The following GALNT8 variants were observed in gnomAD, a reference collection of about 807,000 sequenced individuals.
The protein encoded by GALNT8 is probable polypeptide N-acetylgalactosaminyltransferase 8.
GALNT8 carries 66 observed loss-of-function variants against 62.7 expected under a neutral mutation model. That is an observed-to-expected ratio of 1.05 (90% confidence interval 0.86 to 1.29). The LOEUF is 1.29. GALNT8 is among the 50% of genes most tolerant of loss of function. GALNT8 has a pLI of 0.00. For synonymous variants in GALNT8, 288 were observed against 294.3 expected (o/e 0.98, Z 0.22); for missense variants, 771 against 791.8 (o/e 0.97, Z 0.32).
chr12:4,730,113 ACTT>A (rs1946215103), intron 2 of GALNT8, among the ~76,000 whole-genome samples: 1 of 152,016 alleles, frequency 6.6e-6, no homozygotes, highest in Non-Finnish European at 1.5e-5. Flanking sequence ...TTGGATATTA[ACTT>A]CTTATTAAAT....
At chr12:4,738,775 G>T (rs901642462) in intron 2 of GALNT8, among the ~76,000 whole-genome samples, 2 of 152,106 alleles carry the variant, frequency 1.3e-5, no homozygotes, top group Non-Finnish European at 2.9e-5. Flanking sequence ...GTCTCTGGTG[G>T]TGAAGTAGAG....
chr12:4,745,487 T>C lies in GALNT8; in HGVS notation c.919T>C (p.Phe307Leu). The C allele has an allele frequency of 6.2e-7, 1 of 1,613,194 alleles. No homozygotes were observed. The highest frequency in any genetic ancestry group is 8.5e-7 in the Non-Finnish European group (1 of 1,179,118). ...EDRTVIVSPVFDNIRFDTFKL... is the reference protein window; with the variant it reads ...EDRTVIVSPVLDNIRFDTFKL... ...CCGCACTGTGATTGTGTCTCCTGTG[T>C]TTGACAACATTCGTTTTGACACCTT... Residue 307 changes from phenylalanine to leucine, a missense_variant, in exon 5 of 11, where the codon TTT (phenylalanine) becomes CTT (leucine). Coordinates refer to ENST00000252318, the MANE Select transcript of GALNT8 (RefSeq NM_017417.2).
chr12:4,745,754 G>C, intron 5 of GALNT8, 128 bp downstream of exon 5: 1 of 700,034 alleles, frequency 1.4e-6, no homozygotes. Context: ...ATGAGGTGAA[G>C]GACAAGGGAT....
At chr12:4,769,759 C>G (rs1442883845) in intron 10 of GALNT8, among the ~76,000 whole-genome samples, 1 of 151,954 alleles carries the variant, frequency 6.6e-6, no homozygotes, top group African/African-American at 2.4e-5. Context: ...ATCATCCCCT[C>G]CCCTGAAAGC....
intron 2 of GALNT8, among the ~76,000 whole-genome samples, chr12:4,735,851 C>A (rs973913856): frequency 6.6e-6 from 1 of 152,144 alleles, no homozygotes; most frequent in South Asian, 2.1e-4. Flanking sequence ...AAGTTCTGTT[C>A]GGAGGAAAGG....
At chr12:4,734,755 A>G (rs1400595372) in intron 2 of GALNT8, among the ~76,000 whole-genome samples, 1 of 150,394 alleles carries the variant, frequency 6.6e-6, no homozygotes, top group African/African-American at 2.4e-5. Flanking sequence ...CTAGCTTCCA[A>G]TGTCCAGCCC....
chr12:4,764,525 AG>A (rs1946388964), intron 9 of GALNT8, among the ~76,000 whole-genome samples: 1 of 43,700 alleles, frequency 2.3e-5, no homozygotes, highest in Admixed American at 2.9e-4. Context: ...AGGTGCAGTC[AG>A]GGGATTTTTT....
intron 6 of GALNT8, among the ~76,000 whole-genome samples, chr12:4,751,731 A>G (rs1451137510): frequency 2.6e-5 from 4 of 152,166 alleles, no homozygotes; most frequent in African/African-American, 9.6e-5. Context: ...TTCCGCAGCC[A>G]CTGGATGAAA....
intron 6 of GALNT8, among the ~76,000 whole-genome samples, chr12:4,753,953 T>A (rs941984580): frequency 5.3e-5 from 8 of 152,242 alleles, no homozygotes; most frequent in African/African-American, 1.7e-4. Context: ...ACCACCTTGA[T>A]GGTCTTGGAT....
intron 6 of GALNT8, among the ~76,000 whole-genome samples, chr12:4,754,006 G>T (rs1051507075): frequency 4.7e-4 from 71 of 152,302 alleles, no homozygotes; most frequent in African/African-American, 1.6e-3. Flanking sequence ...AGAGACCCTT[G>T]TTCTCTTCCC....
intron 2 of GALNT8, among the ~76,000 whole-genome samples, chr12:4,728,312 G>A (rs1200211287): frequency 2.0e-5 from 3 of 151,360 alleles, no homozygotes; most frequent in Non-Finnish European, 4.4e-5. Context: ...TCATTGTGTA[G>A]ATTGTCTGTT....
intron 6 of GALNT8, among the ~76,000 whole-genome samples, chr12:4,754,798 C>T (rs1946337209): frequency 6.6e-6 from 1 of 152,032 alleles, no homozygotes; most frequent in Non-Finnish European, 1.5e-5. Flanking sequence ...CAGGGCTCTT[C>T]ACCTAGCAGG....
chr12:4,729,640 CCAT>C (rs1444081873), intron 2 of GALNT8, among the ~76,000 whole-genome samples: 1 of 152,072 alleles, frequency 6.6e-6, no homozygotes, highest in Non-Finnish European at 1.5e-5. Context: ...GAATAGTATT[CCAT>C]CTATTATGGA....
Position 4,772,670 on chromosome 12 carries a change from T to G in GALNT8, c.*73T>G, listed in dbSNP as rs1946431235. 7 of 1,186,368 alleles carry G rather than the reference T, an allele frequency of 5.9e-6. No individual in the cohort carries two copies. Among genetic ancestry groups the G allele is most frequent in the Non-Finnish European group, 8.6e-6 (7 of 812,058 alleles). The allele number at this position is 1,186,368 out of a possible 1,614,324, so 73.5% of individuals were successfully genotyped here. ...GGCTTCTACTCCTAACACTCCCAGCTTCTTTCTCAATGAGAAAGAAAGCAT... is the reference window on the plus strand; with the variant it reads ...GGCTTCTACTCCTAACACTCCCAGCGTCTTTCTCAATGAGAAAGAAAGCAT... On this transcript the variant is annotated 3_prime_UTR_variant, in exon 11 of 11. Coordinates refer to ENST00000252318, the MANE Select transcript of GALNT8 (RefSeq NM_017417.2).
chr12:4,729,811 T>G (rs1226840018), intron 2 of GALNT8, among the ~76,000 whole-genome samples: 1 of 152,230 alleles, frequency 6.6e-6, no homozygotes, highest in African/African-American at 2.4e-5. Flanking sequence ...TATACTGTTT[T>G]CTTTATTGGG....
chr12:4,768,846 T>G lies in GALNT8; in HGVS notation c.1761+3300T>G, dbSNP rs535788365. On this transcript the variant is annotated intron_variant, in intron 10 of 10. Coordinates refer to ENST00000252318, the MANE Select transcript of GALNT8 (RefSeq NM_017417.2). ...GGCTCTTCTGGTTCTCACTTTACTT[T>G]GTAGACACAACTTACAAATTAATTT... 3.3e-5 allele frequency among the ~76,000 whole-genome samples: 5 copies of G among 152,366 alleles called. No homozygotes were observed. The East Asian group carries it at 9.6e-4, about 29-fold the overall frequency.
chr12:4,771,941 C>T (rs950279850), intron 10 of GALNT8, among the ~76,000 whole-genome samples: 8 of 152,180 alleles, frequency 5.3e-5, no homozygotes, highest in African/African-American at 1.9e-4. Flanking sequence ...AGTTATAAAC[C>T]TTAGCGAAGT....
intron 4 of GALNT8, 85 bp downstream of exon 4, chr12:4,744,785 A>G: frequency 1.1e-6 from 1 of 883,836 alleles, no homozygotes; most frequent in Non-Finnish European, 1.7e-6. Context: ...GATACTGTGG[A>G]CACAGGGAAA....
intron 6 of GALNT8, among the ~76,000 whole-genome samples, chr12:4,760,244 A>G (rs1386766718): frequency 6.6e-6 from 1 of 152,202 alleles, no homozygotes; most frequent in African/African-American, 2.4e-5. Context: ...AGTTCCTTGA[A>G]GTCTTCCAGG....
Sources: gnomAD v4.1 joint callset for allele counts (sites outside exome capture counted in the v4.1 genomes callset) on GRCh38, gnomAD v4.1.1 for gene constraint, MANE v1.5 for transcripts, NCBI Gene and HGNC (gene_info 2026-07-23, HGNC 2026-07-21) for gene names.